RIMBP2: variants seen among roughly 807,000 people sequenced by gnomAD.
RIMBP2 encodes RIMS-binding protein 2.
In RIMBP2, 48 loss-of-function variants were observed where a neutral mutation model predicts 118.6. The observed-to-expected ratio is 0.40, with a 90% CI of 0.32 to 0.51. RIMBP2 has a LOEUF of 0.51. Among genes scored for constraint, RIMBP2 ranks in the 20% least tolerant of loss-of-function variants. The pLI is 0.41. For synonymous variants in RIMBP2, 762 were observed against 742.9 expected (o/e 1.03, Z -0.42); for missense variants, 1,551 against 1,768.3 (o/e 0.88, Z 2.20).
At chr12:130,507,677 G>A (rs182789458) in intron 3 of RIMBP2, among the ~76,000 whole-genome samples, 1 of 152,160 alleles carries the variant, frequency 6.6e-6, no homozygotes, top group Non-Finnish European at 1.5e-5. Flanking sequence ...AACAAGTAAG[G>A]GGATGCTGTC....
chr12:130,491,881 CTGACTGTCGACATTCA>C (rs1488093345), intron 4 of RIMBP2, among the ~76,000 whole-genome samples: 1 of 152,192 alleles, frequency 6.6e-6, no homozygotes, highest in Non-Finnish European at 1.5e-5. Flanking sequence ...ATATTTATAG[CTGACTGTCGACATTCA>C]CGCCAGCACT....
intron 1 of RIMBP2, among the ~76,000 whole-genome samples, chr12:130,657,576 C>T (rs905966956): frequency 5.3e-5 from 8 of 152,208 alleles, no homozygotes; most frequent in African/African-American, 1.9e-4. Context: ...CGGCATCCAC[C>T]GGCACCTCCG....
At chr12:130,595,684 C>T (rs937108691) in intron 2 of RIMBP2, among the ~76,000 whole-genome samples, 28 of 152,040 alleles carry the variant, frequency 1.8e-4, no homozygotes, top group Non-Finnish European at 2.8e-4. Context: ...GAGAACAATG[C>T]GCGTGCACTC....
intron 2 of RIMBP2, among the ~76,000 whole-genome samples, chr12:130,522,239 G>A (rs1206315582): frequency 6.6e-6 from 1 of 152,222 alleles, no homozygotes; most frequent in African/African-American, 2.4e-5. Context: ...GGCAAAAAGT[G>A]AATTCTAATG....
At chr12:130,660,582 C>G (rs895258028) in intron 1 of RIMBP2, 3 of 152,088 alleles carry the variant, frequency 2.0e-5, no homozygotes, top group Non-Finnish European at 4.4e-5. Flanking sequence ...CTGGTGAGCA[C>G]AGACTCCAGC....
intron 20 of RIMBP2, 74 bp from the exon 21 acceptor site, chr12:130,406,317 A>T (rs955583112): frequency 5.1e-5 from 49 of 963,238 alleles, no homozygotes; most frequent in Non-Finnish European, 6.6e-5. Context: ...TAAGTTCTCT[A>T]TGCTTTCCCT....
chr12:130,438,203 G>C (rs1434668771), intron 12 of RIMBP2, among the ~76,000 whole-genome samples, 162 bp downstream of exon 12: 2 of 152,158 alleles, frequency 1.3e-5, no homozygotes, highest in African/African-American at 4.8e-5. Context: ...AGTGAGGAAG[G>C]GGTCCTGGGG....
intron 6 of RIMBP2, among the ~76,000 whole-genome samples, chr12:130,458,899 C>T (rs1156851047): frequency 6.6e-6 from 1 of 151,810 alleles, no homozygotes; most frequent in East Asian, 1.9e-4. Context: ...ACAAAATTAG[C>T]CGGGCAGGGA....
Position 130,581,666 on chromosome 12 carries a change from C to T in RIMBP2, c.-217+46656G>A, listed in dbSNP as rs370853212. 4.6e-5 allele frequency among the ~76,000 whole-genome samples: 7 copies of T among 152,306 alleles called. No homozygotes were observed. Among genetic ancestry groups the T allele is most frequent in the Admixed American group, 3.9e-4 (6 of 15,302 alleles). On this transcript the variant is annotated intron_variant, in intron 2 of 22. Coordinates refer to ENST00000690449, the MANE Select transcript of RIMBP2 (RefSeq NM_001393629.1). The surrounding 1 kb of genome is among the most constrained non-coding windows in gnomAD (Gnocchi z 4.4). ...GTGGACTCTGACTTCAGGACATACC[C>T]GGAACGTAAGTACTTTCTCCACAGC...
intron 6 of RIMBP2, among the ~76,000 whole-genome samples, chr12:130,466,616 T>C (rs1423320917): frequency 3.3e-5 from 5 of 152,202 alleles, no homozygotes; most frequent in Admixed American, 1.3e-4. Context: ...TGGCTTCCAT[T>C]GTGCTTCTAA....
At chr12:130,444,166 T>C (rs2078345678) in intron 10 of RIMBP2, among the ~76,000 whole-genome samples, 1 of 152,186 alleles carries the variant, frequency 6.6e-6, no homozygotes, top group Admixed American at 6.5e-5. Flanking sequence ...AAATCAGTGG[T>C]GATAATGTGG....
chr12:130,598,798 G>A (rs1318807232), intron 2 of RIMBP2, among the ~76,000 whole-genome samples: 2 of 152,084 alleles, frequency 1.3e-5, no homozygotes, highest in African/African-American at 2.4e-5. Flanking sequence ...AGATAGTAAG[G>A]TAATGCATCG....
intron 2 of RIMBP2, among the ~76,000 whole-genome samples, chr12:130,568,539 G>GCTCCC (rs2057396747): frequency 1.3e-5 from 2 of 152,206 alleles, no homozygotes; most frequent in Non-Finnish European, 2.9e-5. Flanking sequence ...ACAATGACGT[G>GCTCCC]CTCCCCTCTG....
chr12:130,647,216 A>G (rs1242872967), intron 1 of RIMBP2, among the ~76,000 whole-genome samples: 1 of 152,186 alleles, frequency 6.6e-6, no homozygotes, highest in Non-Finnish European at 1.5e-5. Flanking sequence ...TACAAAAATT[A>G]GCGAGGCGTG....
chr12:130,695,852 T>G (rs1479201106), intron 1 of RIMBP2, among the ~76,000 whole-genome samples: 1 of 151,780 alleles, frequency 6.6e-6, no homozygotes, highest in Non-Finnish European at 1.5e-5. Flanking sequence ...CGTCCAGATG[T>G]GCTATGGTTT....
rs535317628 is a variant in RIMBP2 at position 130,475,891 on chromosome 12, G to A, written c.102+3021C>T. Reference sequence around the variant, plus strand: ...GAGTTCTGTGTGGGACGTGGCGTCCGAGGCCCCCCAAGCAGTGGTGTCAAG... The same window carrying A: ...GAGTTCTGTGTGGGACGTGGCGTCCAAGGCCCCCCAAGCAGTGGTGTCAAG... On this transcript the variant is annotated intron_variant, in intron 5 of 22. Transcript: ENST00000690449. The surrounding 1 kb of genome is among the most constrained non-coding windows in gnomAD (Gnocchi z 4.1). Among the ~76,000 whole-genome samples, 16 of 152,158 alleles carry A rather than the reference G, an allele frequency of 1.1e-4. No homozygotes were observed. The highest frequency in any genetic ancestry group is 1.5e-4 in the Non-Finnish European group (10 of 68,000).
chr12:130,540,522 C>A (rs1252594144), intron 2 of RIMBP2, among the ~76,000 whole-genome samples: 1 of 152,292 alleles, frequency 6.6e-6, no homozygotes, highest in South Asian at 2.1e-4. Flanking sequence ...GACCATCAGA[C>A]CTCCCAGATA....
At chr12:130,412,918 T>C in intron 18 of RIMBP2, 131 bp from the exon 19 acceptor site, 1 of 872,772 alleles carries the variant, frequency 1.1e-6, no homozygotes, top group East Asian at 2.7e-5. Flanking sequence ...ATAAATCACC[T>C]GCATAGGTCA....
chr12:130,524,005 A>G (rs4759711), intron 2 of RIMBP2, among the ~76,000 whole-genome samples: 103,971 of 151,978 alleles, frequency 0.68, 37,396 homozygotes, highest in Non-Finnish European at 0.8. Context: ...TGAACATCCA[A>G]TCTCCTGGCC....
Sources: gnomAD v4.1 joint callset for allele counts (sites outside exome capture counted in the v4.1 genomes callset) on GRCh38, gnomAD v4.1.1 for gene constraint, Gnocchi (gnomAD v3.1) non-coding constraint, MANE v1.5 for transcripts, NCBI Gene and HGNC (gene_info 2026-07-23, HGNC 2026-07-21) for gene names.